ATP10D: variants seen among roughly 807,000 people sequenced by gnomAD.
ATP10D encodes phospholipid-transporting ATPase VD.
In ATP10D, 89 loss-of-function variants were observed where a neutral mutation model predicts 144.8. The ratio of observed to expected loss-of-function variants is 0.61; its 90% CI spans 0.52 to 0.73. The LOEUF is 0.73. ATP10D is among the 30% of genes least tolerant of loss of function. The pLI, the probability that ATP10D is intolerant of heterozygous loss-of-function variation, is 0.00. For synonymous variants in ATP10D, 571 were observed against 615.1 expected (o/e 0.93, Z 1.06); for missense variants, 1,603 against 1,714.8 (o/e 0.93, Z 1.15).
At chr4:47,575,660 C>A (rs1720188712) in intron 18 of ATP10D, among the ~76,000 whole-genome samples, 3 of 152,176 alleles carry the variant, frequency 2.0e-5, no homozygotes, top group African/African-American at 7.2e-5. Flanking sequence ...AATACTGGTT[C>A]TGCTACTTAT....
At chr4:47,545,819 G>C (rs1354652719) in intron 9 of ATP10D, among the ~76,000 whole-genome samples, 1 of 145,382 alleles carries the variant, frequency 6.9e-6, no homozygotes, top group African/African-American at 2.5e-5. Flanking sequence ...ATGGTGGTAG[G>C]TCTTGGCATA....
intron 5 of ATP10D, among the ~76,000 whole-genome samples, chr4:47,526,879 C>G (rs1486984240): frequency 2.6e-5 from 4 of 152,024 alleles, no homozygotes; most frequent in Non-Finnish European, 5.9e-5. Context: ...AATTGGAAAT[C>G]AGTTTCCCCC....
At chr4:47,554,056 TGTGA>T (rs1335250990) in intron 10 of ATP10D, among the ~76,000 whole-genome samples, 1 of 152,222 alleles carries the variant, frequency 6.6e-6, no homozygotes, top group East Asian at 1.9e-4. Context: ...TACTCTCACG[TGTGA>T]GAAGCATTGT....
intron 1 of ATP10D, among the ~76,000 whole-genome samples, chr4:47,495,447 T>C (rs1026688513): frequency 6.6e-6 from 1 of 152,212 alleles, no homozygotes; most frequent in Non-Finnish European, 1.5e-5. Context: ...AATTTAACTT[T>C]TTGATTAAAA....
At chr4:47,555,029 A>G in intron 11 of ATP10D, 115 bp downstream of exon 11, 8 of 907,952 alleles carry the variant, frequency 8.8e-6, no homozygotes, top group Non-Finnish European at 1.4e-5. Flanking sequence ...TAGTAGCTGT[A>G]TAACACTGAT....
intron 20 of ATP10D, among the ~76,000 whole-genome samples, chr4:47,580,781 G>T (rs371699981): frequency 6.6e-6 from 1 of 152,158 alleles, no homozygotes; most frequent in African/African-American, 2.4e-5. Flanking sequence ...AATCAGACAG[G>T]CTGGGCACAG....
chr4:47,565,811 A>G (rs1719607098), intron 15 of ATP10D, among the ~76,000 whole-genome samples: 1 of 152,116 alleles, frequency 6.6e-6, no homozygotes, highest in South Asian at 2.1e-4. Flanking sequence ...TAAATACACA[A>G]TTTATCTTAT....
chr4:47,505,722 C>T (rs913159446), intron 1 of ATP10D, among the ~76,000 whole-genome samples: 13 of 150,306 alleles, frequency 8.6e-5, no homozygotes, highest in Admixed American at 3.3e-4. Flanking sequence ...CCAGCATGGG[C>T]GACAGAGCAA....
intron 3 of ATP10D, among the ~76,000 whole-genome samples, chr4:47,521,643 T>C (rs1247813744): frequency 6.6e-6 from 1 of 152,166 alleles, no homozygotes; most frequent in Non-Finnish European, 1.5e-5. Flanking sequence ...CTCCATTTCC[T>C]ATGGAATGAA....
chr4:47,524,214 C>T (rs1429867932), intron 4 of ATP10D, among the ~76,000 whole-genome samples: 1 of 152,180 alleles, frequency 6.6e-6, no homozygotes, highest in African/African-American at 2.4e-5. Flanking sequence ...GAGTGAGCCA[C>T]TGCGCTCGGT....
At chr4:47,525,053 A>G (rs57843833) in intron 4 of ATP10D, among the ~76,000 whole-genome samples, 4,943 of 152,278 alleles carry the variant, frequency 0.032, 251 homozygotes, top group African/African-American at 0.11. Context: ...TTGTTTTCAT[A>G]AAGAATTCTG....
chr4:47,556,280 G>A (rs1183404670), intron 11 of ATP10D, among the ~76,000 whole-genome samples: 1 of 152,062 alleles, frequency 6.6e-6, no homozygotes, highest in East Asian at 1.9e-4. Context: ...CTTCAGAGGT[G>A]GTCAACTTTA....
In ATP10D at chr4:47,593,381, A is replaced by C. The variant is rs552264801; in HGVS notation, c.*2000A>C. On this transcript the variant is annotated 3_prime_UTR_variant, in exon 23 of 23. Transcript: ENST00000273859. ...TACTTTGCTTAATGTAATCATTCAT[A>C]TACTTTGCTACAAAAATATTAATAT... 60 of 152,246 alleles carry C rather than the reference A, an allele frequency of 3.9e-4. No homozygotes were observed. The highest frequency in any genetic ancestry group is 2.0e-3 in the Admixed American group (30 of 15,278). 9.4% of individuals were successfully genotyped at this position (152,246 alleles called of 1,614,324 possible). A position where few individuals can be genotyped will look rare whatever the true frequency, so the allele number is the denominator to read the frequency against.
At position 47,554,734 on chromosome 4, in the gene ATP10D, CGTG is replaced by C. The variant is rs1560441617; in HGVS notation, c.1647_1649del (p.Val550del). ...TCTTATTGGATCTTCAGGAAACAGA[CGTG>C]GTACCAGACACCAGGCTTTTAGACA... is the stretch of plus-strand genomic sequence containing the variant. On this transcript the variant is annotated inframe_deletion, in exon 11 of 23. Transcript: ENST00000273859. 1.9e-6 allele frequency: 3 copies of C among 1,608,510 alleles called. No individual in the cohort carries two copies. Among genetic ancestry groups the C allele is most frequent in the Non-Finnish European group, 2.5e-6 (3 of 1,176,864 alleles).
At chr4:47,525,763 A>G (rs1717212893) in intron 5 of ATP10D, 121 bp downstream of exon 5, 1 of 744,014 alleles carries the variant, frequency 1.3e-6, no homozygotes, top group Non-Finnish European at 2.2e-6. Context: ...TCGTAACTTT[A>G]GCCACCTACT....
chr4:47,517,882 C>T (rs982799253), intron 3 of ATP10D, among the ~76,000 whole-genome samples: 1 of 152,084 alleles, frequency 6.6e-6, no homozygotes, highest in Non-Finnish European at 1.5e-5. Flanking sequence ...TATTTAATAT[C>T]CATTCTAAGA....
At position 47,513,453 on chromosome 4, in the gene ATP10D, G is replaced by T. The variant is rs534531549; in HGVS notation, c.290+623G>T. 1.5e-3 allele frequency among the ~76,000 whole-genome samples: 233 copies of T among 152,310 alleles called. 17 individuals are homozygous for T. The South Asian group carries it at 0.047, about 31-fold the overall frequency. On this transcript the variant is annotated intron_variant, in intron 2 of 22. Transcript: ENST00000273859. ...AATGCAATGAGTGTTATAAAGGGCT[G>T]TCAAATAGAATGAAAGCCTCAAAAA...
chr4:47,581,160 T>C (rs900705479), intron 20 of ATP10D, among the ~76,000 whole-genome samples: 4 of 152,306 alleles, frequency 2.6e-5, no homozygotes, highest in Admixed American at 6.5e-5. Context: ...AAATTTGAGA[T>C]TCCATAAGTA....
In ATP10D at chr4:47,569,119, C is replaced by CA; in HGVS notation, c.3137dup (p.His1046GlnfsTer11). The CA allele has an allele frequency of 6.2e-7, 1 of 1,613,698 alleles. No homozygotes were observed. Among genetic ancestry groups the CA allele is most frequent in the Admixed American group, 1.7e-5 (1 of 60,026 alleles). ...TGAAGTGGTGAAATTGGTCCGCAGCCATCTCCAGGTGATGACCCTTGCTAT... is the reference window on the plus strand; with the variant it reads ...TGAAGTGGTGAAATTGGTCCGCAGCCAATCTCCAGGTGATGACCCTTGCTAT... On this transcript the variant is annotated frameshift_variant, in exon 16 of 23. Transcript: ENST00000273859. LOFTEE classifies it high-confidence loss of function.
Sources: allele counts gnomAD v4.1 joint callset (sites outside exome capture counted in the v4.1 genomes callset), GRCh38; gene constraint gnomAD v4.1.1; transcripts MANE v1.5; gene names NCBI Gene and HGNC (gene_info 2026-07-23, HGNC 2026-07-21).